Variants in ZDHHC17 observed in about 807,000 individuals in gnomAD.
ZDHHC17 encodes the protein zDHHC palmitoyltransferase 17.
In ZDHHC17, 40 loss-of-function variants were observed where a neutral mutation model predicts 90.3. The observed-to-expected ratio is 0.44, with a 90% confidence interval of 0.34 to 0.58. The LOEUF (loss-of-function observed/expected upper bound fraction) is 0.58, where lower values mean the gene tolerates loss of function less well. ZDHHC17 is among the 20% of genes least tolerant of loss of function. The pLI is 0.01. For missense variants in ZDHHC17, 614 were observed against 780.8 expected (o/e 0.79, Z 2.55); for synonymous variants, 235 against 252.4 (o/e 0.93, Z 0.65).
chr12:76,801,641 A>G (rs936359640), intron 2 of ZDHHC17, among the ~76,000 whole-genome samples: 4 of 152,120 alleles, frequency 2.6e-5, no homozygotes, highest in African/African-American at 4.8e-5. Context: ...GCTACACAGC[A>G]AGACTCTGTC....
At chr12:76,847,811 T>C (rs1022841274) in intron 14 of ZDHHC17, among the ~76,000 whole-genome samples, 5 of 152,132 alleles carry the variant, frequency 3.3e-5, no homozygotes, top group African/African-American at 1.2e-4. Context: ...TGAGCCTTGA[T>C]TGAGCCACTG....
At chr12:76,781,751 G>A (rs1397802217) in intron 1 of ZDHHC17, 1 of 449,386 alleles carries the variant, frequency 2.2e-6, no homozygotes, top group Admixed American at 2.4e-5. Context: ...AACACAAAAT[G>A]GACTAAGACA....
chr12:76,809,562 C>A, intron 4 of ZDHHC17, 151 bp from the exon 5 acceptor site: 2 of 574,372 alleles, frequency 3.5e-6, no homozygotes, highest in Non-Finnish European at 5.4e-6. Context: ...CCATAAAATC[C>A]TAAATGTATT....
At chr12:76,809,993 G>T in intron 5 of ZDHHC17, 136 bp downstream of exon 5, 1 of 871,508 alleles carries the variant, frequency 1.1e-6, no homozygotes, top group Non-Finnish European at 1.7e-6. Flanking sequence ...AATATAGTGA[G>T]TTTGATATGG....
chr12:76,764,488 GAT>G, intron 1 of ZDHHC17, 159 bp downstream of exon 1: 2 of 676,328 alleles, frequency 3.0e-6, no homozygotes, highest in Non-Finnish European at 4.9e-6. Flanking sequence ...GCTGCGAGCG[GAT>G]AACGGGGGAG....
At position 76,851,225 on chromosome 12, in the gene ZDHHC17, G is replaced by T; in HGVS notation, c.*240G>T. ...AAATAATTTTAATGGTTCTTAATGT[G>T]GAAATTCACAACATACTCAACTTTT... is the stretch of plus-strand genomic sequence containing the variant. On this transcript the variant is annotated 3_prime_UTR_variant, in exon 17 of 17. Coordinates refer to ENST00000426126, the MANE Select transcript of ZDHHC17 (RefSeq NM_015336.4). 2 of 430,944 alleles carry T rather than the reference G, an allele frequency of 4.6e-6. No individual in the cohort carries two copies. The highest frequency in any genetic ancestry group is 2.1e-5 in the African/African-American group (1 of 47,920). 26.7% of individuals were successfully genotyped at this position (430,944 alleles called of 1,614,324 possible).
chr12:76,832,739 C>A (rs755445836), intron 10 of ZDHHC17, among the ~76,000 whole-genome samples: 1 of 151,760 alleles, frequency 6.6e-6, no homozygotes, highest in Non-Finnish European at 1.5e-5. Context: ...CAGCACTGTG[C>A]TTAAGGGCCC....
In ZDHHC17 at chr12:76,815,862, A is replaced by G; in HGVS notation, c.614A>G (p.Asp205Gly). 1.3e-6 allele frequency: 2 copies of G among 1,485,478 alleles called. No homozygotes were observed. Among genetic ancestry groups the G allele is most frequent in the Admixed American group, 2.6e-5 (1 of 38,732 alleles). The allele number at this position is 1,485,478 out of a possible 1,614,324, so 92.0% of individuals were successfully genotyped here. A position where few individuals can be genotyped will look rare whatever the true frequency, so the allele number is the denominator to read the frequency against. ...MWAAYRTHSVDPTRLLLTFNV... is the reference protein window; with the variant it reads ...MWAAYRTHSVGPTRLLLTFNV... ...TTTTTTTTTTTCCTTTTCAGTGTGG[A>G]TCCAACTAGATTGCTTTTAACATTC... Residue 205 changes from aspartate (D) to glycine (G), a missense_variant, in exon 7 of 17, where the codon GAT becomes GGT. Physicochemically the swap from Asp to Gly is moderately conservative, Grantham distance 94. Around this residue, in one of 5 missense-constraint regions of ZDHHC17, gnomAD observed 358 missense variants for 380.4 expected, o/e 0.94. Coordinates refer to ENST00000426126, the MANE Select transcript of ZDHHC17 (RefSeq NM_015336.4).
chr12:76,779,870 C>A (rs1321206205), intron 1 of ZDHHC17, among the ~76,000 whole-genome samples: 1 of 150,020 alleles, frequency 6.7e-6, no homozygotes, highest in Non-Finnish European at 1.5e-5. Flanking sequence ...GGTTGAGCTT[C>A]TTTTTTCTTT....
intron 1 of ZDHHC17, among the ~76,000 whole-genome samples, chr12:76,773,910 C>G (rs1252258337): frequency 6.6e-6 from 1 of 152,022 alleles, no homozygotes; most frequent in Non-Finnish European, 1.5e-5. Context: ...TTGAAATTTT[C>G]TTTTATTCAG....
chr12:76,802,236 A>T (rs556686425), intron 2 of ZDHHC17, among the ~76,000 whole-genome samples: 1 of 152,094 alleles, frequency 6.6e-6, no homozygotes, highest in East Asian at 1.9e-4. Flanking sequence ...TTTGGTTGGC[A>T]TTGGTTTTCT....
At chr12:76,776,311 GTAAA>G (rs1952559750) in intron 1 of ZDHHC17, among the ~76,000 whole-genome samples, 1 of 151,966 alleles carries the variant, frequency 6.6e-6, no homozygotes, top group Non-Finnish European at 1.5e-5. Context: ...CATGATTATT[GTAAA>G]AAATTTAAGT....
chr12:76,832,319 T>C (rs1387413237), intron 10 of ZDHHC17, among the ~76,000 whole-genome samples: 3 of 152,216 alleles, frequency 2.0e-5, no homozygotes, highest in African/African-American at 7.2e-5. Context: ...TTCTGTTGCT[T>C]TTACCACTTT....
intron 7 of ZDHHC17, among the ~76,000 whole-genome samples, chr12:76,816,511 A>C (rs188800141): frequency 6.6e-6 from 1 of 152,192 alleles, no homozygotes; most frequent in East Asian, 1.9e-4. Flanking sequence ...TTTTAATCAT[A>C]TGCATTCATA....
At chr12:76,838,563 G>T (rs1401825386) in intron 10 of ZDHHC17, among the ~76,000 whole-genome samples, 2 of 152,112 alleles carry the variant, frequency 1.3e-5, no homozygotes, top group Non-Finnish European at 2.9e-5. Flanking sequence ...GTAAATTCTT[G>T]CTGAGAAACT....
chr12:76,839,731 G>A (rs150746280), intron 10 of ZDHHC17, among the ~76,000 whole-genome samples: 1,686 of 152,274 alleles, frequency 0.011, 11 homozygotes, highest in Non-Finnish European at 0.017. Context: ...CGATAAAATA[G>A]CAGGTATTTG....
At chr12:76,776,929 TAACTTTTCTTG>T (rs1171581668) in intron 1 of ZDHHC17, among the ~76,000 whole-genome samples, 1 of 152,248 alleles carries the variant, frequency 6.6e-6, no homozygotes, top group African/African-American at 2.4e-5. Flanking sequence ...CTCAAGTTGA[TAACTTTTCTTG>T]AACTTTTTAA....
At chr12:76,800,902 T>TTG in intron 2 of ZDHHC17, among the ~76,000 whole-genome samples, 2 of 149,138 alleles carry the variant, frequency 1.3e-5, no homozygotes, top group Non-Finnish European at 3.0e-5. Flanking sequence ...TTTTTTTTTT[T>TTG]TTTTAGACAG....
chr12:76,770,926 C>CA (rs34292734), intron 1 of ZDHHC17, among the ~76,000 whole-genome samples: 17,686 of 75,730 alleles, frequency 0.23, 1,765 homozygotes, highest in African/African-American at 0.27. Context: ...AACTCCATCT[C>CA]AAAAAAAAAA....
Sources: gnomAD v4.1 joint callset for allele counts (sites outside exome capture counted in the v4.1 genomes callset) on GRCh38, gnomAD v4.1.1 for gene constraint, gnomAD v4.1.1 regional missense constraint, MANE v1.5 for transcripts, NCBI Gene and HGNC (gene_info 2026-07-23, HGNC 2026-07-21) for gene names.